The following DLG2 variants were observed in gnomAD, a reference collection of about 807,000 sequenced individuals.
DLG2 encodes disks large homolog 2.
DLG2 carries 45 observed loss-of-function variants against 132.5 expected under a neutral mutation model. The ratio of observed to expected loss-of-function variants is 0.34; its 90% CI spans 0.27 to 0.44. The LOEUF is 0.44. Among genes scored for constraint, DLG2 ranks in the 20% least tolerant of loss-of-function variants. The pLI is 1.00. For missense variants in DLG2, 1,045 were observed against 1,196.9 expected (o/e 0.87, Z 1.87); for synonymous variants, 424 against 419.6 (o/e 1.01, Z -0.13).
At chr11:83,718,583 A>T (rs531235024) in intron 18 of DLG2, among the ~76,000 whole-genome samples, 3 of 151,874 alleles carry the variant, frequency 2.0e-5, no homozygotes, top group African/African-American at 7.2e-5. Context: ...CATGTTATGG[A>T]AACAATCAGC....
intron 17 of DLG2, among the ~76,000 whole-genome samples, chr11:83,823,816 C>T (rs1006423653): frequency 2.4e-4 from 37 of 152,158 alleles, no homozygotes; most frequent in Admixed American, 9.8e-4. Context: ...TTACAGCCTT[C>T]GTATACAATG....
At chr11:84,753,176 G>A (rs558649506) in intron 6 of DLG2, among the ~76,000 whole-genome samples, 2 of 152,272 alleles carry the variant, frequency 1.3e-5, no homozygotes, top group East Asian at 1.9e-4. Context: ...AGATCAGTGT[G>A]GCTACAGCAA....
At chr11:84,039,350 C>T (rs2095984634) in intron 11 of DLG2, among the ~76,000 whole-genome samples, 1 of 148,212 alleles carries the variant, frequency 6.7e-6, no homozygotes, top group Non-Finnish European at 1.5e-5. Context: ...GGTGTATCTC[C>T]TAATGCTATC....
At chr11:84,664,795 T>C (rs147371921) in intron 6 of DLG2, among the ~76,000 whole-genome samples, 1 of 152,118 alleles carries the variant, frequency 6.6e-6, no homozygotes, top group Non-Finnish European at 1.5e-5. Context: ...TACAAAATAA[T>C]ATGAAGATGC....
At chr11:85,426,019 C>T (rs754707960) in intron 3 of DLG2, among the ~76,000 whole-genome samples, 21 of 152,198 alleles carry the variant, frequency 1.4e-4, no homozygotes, top group Non-Finnish European at 2.8e-4. Context: ...GGGTCCTACC[C>T]CCATGGAGCC....
At chr11:83,745,432 T>C (rs1467363843) in intron 18 of DLG2, among the ~76,000 whole-genome samples, 1 of 152,182 alleles carries the variant, frequency 6.6e-6, no homozygotes, top group Admixed American at 6.5e-5. Flanking sequence ...CAATTATTCC[T>C]TTACTCTTTC....
intron 19 of DLG2, 26 bp from the exon 20 acceptor site, chr11:83,541,884 T>C (rs964091866): frequency 5.1e-6 from 8 of 1,564,136 alleles, no homozygotes; most frequent in Admixed American, 3.7e-5. Context: ...AAAGAGGACA[T>C]TGTTAGGAAT....
intron 9 of DLG2, among the ~76,000 whole-genome samples, chr11:84,126,578 A>T (rs1279832768): frequency 6.6e-6 from 1 of 152,220 alleles, no homozygotes; most frequent in East Asian, 1.9e-4. Flanking sequence ...ATGCCAACTA[A>T]AAAACAGAGG....
intron 7 of DLG2, among the ~76,000 whole-genome samples, chr11:84,327,385 G>T (rs60838083): frequency 6.6e-6 from 1 of 152,008 alleles, no homozygotes; most frequent in Admixed American, 6.6e-5. Context: ...GCCCAGCTGA[G>T]AATCTTATTT....
rs532803759 is a variant in DLG2, at chr11:85,493,975, A to G, written c.40+104682T>C. Among the ~76,000 whole-genome samples the G allele has an allele frequency of 3.3e-5, 5 of 152,304 alleles. No homozygotes were observed. The South Asian group carries it at 1.0e-3, about 32-fold the overall frequency. Reference sequence around the variant, plus strand: ...GAGGGCTGCTCTATATTTCCAAGATAGTCCCTTGTTGCTGCATCCTCTGGA... The same window carrying G: ...GAGGGCTGCTCTATATTTCCAAGATGGTCCCTTGTTGCTGCATCCTCTGGA... On this transcript the variant is annotated intron_variant, in intron 3 of 27. Coordinates refer to ENST00000376104, the MANE Select transcript of DLG2 (RefSeq NM_001142699.3).
chr11:83,613,149 T>G (rs1381823283), intron 19 of DLG2, among the ~76,000 whole-genome samples: 1 of 152,024 alleles, frequency 6.6e-6, no homozygotes, highest in Non-Finnish European at 1.5e-5. Flanking sequence ...GGGGAAAAGC[T>G]AGGGTTAGGG....
chr11:85,425,212 A>G (rs1172678202), intron 3 of DLG2, among the ~76,000 whole-genome samples: 1 of 152,234 alleles, frequency 6.6e-6, no homozygotes, highest in African/African-American at 2.4e-5. Flanking sequence ...ATGTTGTTAA[A>G]TACATAAAAT....
chr11:85,227,818 C>A (rs530134745), intron 4 of DLG2, among the ~76,000 whole-genome samples: 14 of 152,088 alleles, frequency 9.2e-5, no homozygotes, highest in Admixed American at 8.5e-4. Context: ...CTGTCTATCT[C>A]TTATTCATCC....
chr11:83,875,520 G>C (rs932847708), intron 15 of DLG2, among the ~76,000 whole-genome samples: 1 of 152,072 alleles, frequency 6.6e-6, no homozygotes, highest in African/African-American at 2.4e-5. Flanking sequence ...ACATTTTTAA[G>C]AATTCATCTT....
chr11:84,343,204 G>T (rs2098523569), intron 7 of DLG2, among the ~76,000 whole-genome samples: 1 of 152,184 alleles, frequency 6.6e-6, no homozygotes, highest in Non-Finnish European at 1.5e-5. Context: ...GAAGAGAAGA[G>T]AGAGCTGGGG....
rs534590336 is a variant in DLG2 at position 83,773,705 on chromosome 11, A to G, written c.1825+12985T>C. 7.2e-5 allele frequency among the ~76,000 whole-genome samples: 11 copies of G among 152,332 alleles called. No homozygotes were observed. In the South Asian group the frequency reaches 2.3e-3, roughly 32 times the overall value. ...GGGATGAATTTACTTTGTTACCCAT[A>G]GTTCGAAGAGAAACTGCAAGGTATG... On this transcript the variant is annotated intron_variant, in intron 18 of 27. Transcript: ENST00000376104.
Position 83,833,784 on chromosome 11 carries a change from T to C in DLG2, c.1566-14A>G, listed in dbSNP as rs1366228004. On this transcript the variant is annotated splice_polypyrimidine_tract_variant and intron_variant, in intron 16 of 27. Coordinates refer to ENST00000376104, the MANE Select transcript of DLG2 (RefSeq NM_001142699.3). Reference sequence around the variant, plus strand: ...TTGCGAGGCTCTCTGCAGAAAGAAATAGAGAACACAGCTCAGAGGGTGATC... The same window carrying C: ...TTGCGAGGCTCTCTGCAGAAAGAAACAGAGAACACAGCTCAGAGGGTGATC... The C allele has an allele frequency of 6.2e-7, 1 of 1,612,774 alleles. No homozygotes were observed. Among genetic ancestry groups the C allele is most frequent in the Non-Finnish European group, 8.5e-7 (1 of 1,179,284 alleles).
At chr11:83,805,542 T>C (rs912472620) in intron 17 of DLG2, among the ~76,000 whole-genome samples, 2 of 152,098 alleles carry the variant, frequency 1.3e-5, no homozygotes, top group Non-Finnish European at 2.9e-5. Context: ...TTCTAATTGA[T>C]GTTAGCTTTT....
intron 4 of DLG2, among the ~76,000 whole-genome samples, chr11:85,173,412 C>A (rs984517477): frequency 3.3e-5 from 5 of 152,166 alleles, no homozygotes; most frequent in African/African-American, 7.2e-5. Flanking sequence ...TCTTCTCAGA[C>A]AAGCAAATGC....
Sources: allele counts gnomAD v4.1 joint callset (sites outside exome capture counted in the v4.1 genomes callset), GRCh38; gene constraint gnomAD v4.1.1; transcripts MANE v1.5; gene names NCBI Gene and HGNC (gene_info 2026-07-23, HGNC 2026-07-21).